SLC41A3: variants seen among roughly 807,000 people sequenced by gnomAD.
SLC41A3 encodes solute carrier family 41 member 3, also known as SLC41A1-like 2.
In SLC41A3, 44 loss-of-function variants were observed where a neutral mutation model predicts 45.4. The ratio of observed to expected loss-of-function variants is 0.97; its 90% CI spans 0.76 to 1.25. The LOEUF (loss-of-function observed/expected upper bound fraction) is 1.25. SLC41A3 is among the 50% of genes most tolerant of loss of function. The pLI is 0.00. For missense variants in SLC41A3, 550 were observed against 600.6 expected (o/e 0.92, Z 0.88); for synonymous variants, 256 against 252.4 (o/e 1.01, Z -0.13).
chr3:126,060,219 G>C (rs971354354), intron 2 of SLC41A3, among the ~76,000 whole-genome samples: 1 of 152,174 alleles, frequency 6.6e-6, no homozygotes, highest in Non-Finnish European at 1.5e-5. Context: ...GGGAGTTCGA[G>C]ACCAGCCTGA....
At chr3:126,034,428 G>A (rs1427180999) in intron 3 of SLC41A3, among the ~76,000 whole-genome samples, 2 of 152,186 alleles carry the variant, frequency 1.3e-5, no homozygotes, top group Non-Finnish European at 2.9e-5. Context: ...TGAACTCCAA[G>A]GAGAAAAATA....
chr3:126,055,096 C>G (rs902174361), intron 2 of SLC41A3, among the ~76,000 whole-genome samples: 1 of 152,104 alleles, frequency 6.6e-6, no homozygotes, highest in African/African-American at 2.4e-5. Context: ...CAACTTGGAC[C>G]CAGGGGCACA....
chr3:126,058,974 C>T (rs1342679858), intron 2 of SLC41A3, among the ~76,000 whole-genome samples: 1 of 151,992 alleles, frequency 6.6e-6, no homozygotes, highest in Non-Finnish European at 1.5e-5. Context: ...GAATTCCCAA[C>T]GTACTCTCTG....
intron 1 of SLC41A3, among the ~76,000 whole-genome samples, chr3:126,075,753 G>A (rs1002332363): frequency 6.6e-6 from 1 of 151,974 alleles, no homozygotes; most frequent in Non-Finnish European, 1.5e-5. Context: ...TTCAATAAAC[G>A]GGGCTGGGAC....
chr3:126,062,069 C>T (rs989920534), intron 2 of SLC41A3, among the ~76,000 whole-genome samples: 3 of 152,192 alleles, frequency 2.0e-5, no homozygotes, highest in Non-Finnish European at 2.9e-5. Flanking sequence ...CAAATTACAA[C>T]AGGACCTTCA....
In SLC41A3 at chr3:126,033,645, G is replaced by C. The variant is rs1476311967; in HGVS notation, c.415C>G (p.Gln139Glu). The C allele has an allele frequency of 6.2e-7, 1 of 1,613,162 alleles. No homozygotes were observed. The highest frequency in any genetic ancestry group is 8.5e-7 in the Non-Finnish European group (1 of 1,179,890). ...AGGTTGCTGCTGATGACTCTGTGCT[G>C]CTCCTGGGGGTCATCAATTTGTCCA... ...NTGQIDDPQE[Q>E]HRVISSNLAL... The change falls in exon 4 of 11, where the codon CAG becomes GAG. Residue 139 changes from glutamine to glutamate, a missense_variant. Gln to Glu is a conservative substitution (Grantham distance 29). Transcript: ENST00000360370.
intron 6 of SLC41A3, among the ~76,000 whole-genome samples, chr3:126,020,277 G>A (rs768281605): frequency 2.6e-5 from 4 of 152,152 alleles, no homozygotes; most frequent in South Asian, 2.1e-4. Context: ...AAACGATTCC[G>A]TCTTTCTAGG....
chr3:126,037,459 A>T (rs1412065701), intron 3 of SLC41A3, among the ~76,000 whole-genome samples: 1 of 152,206 alleles, frequency 6.6e-6, no homozygotes, highest in Non-Finnish European at 1.5e-5. Flanking sequence ...TGACAAAGTT[A>T]TTGGGAACTA....
rs887790464 is a variant in SLC41A3, at chr3:126,026,514, C to T, written c.454-35G>A. The T allele has an allele frequency of 6.3e-7, 1 of 1,589,230 alleles. No individual in the cohort carries two copies. The highest frequency in any genetic ancestry group is 8.6e-7 in the Non-Finnish European group (1 of 1,166,992). ...AGAAATCAGAAGCATGAAGGGGGGCCCCGGGGCCACAGCCACACTCCCTGC... is the reference window on the plus strand; with the variant it reads ...AGAAATCAGAAGCATGAAGGGGGGCTCCGGGGCCACAGCCACACTCCCTGC... On this transcript the variant is annotated intron_variant, in intron 4 of 10. Coordinates refer to ENST00000360370, the MANE Select transcript of SLC41A3 (RefSeq NM_017836.4). This position sits in a 1 kb window ranked among gnomAD's most constrained non-coding sequence, Gnocchi z 4.2.
chr3:126,091,595 C>T (rs1266800356), intron 1 of SLC41A3, among the ~76,000 whole-genome samples: 1 of 151,996 alleles, frequency 6.6e-6, no homozygotes, highest in Non-Finnish European at 1.5e-5. Context: ...GATGAAGCCT[C>T]CAGGTAGCAG....
intron 3 of SLC41A3, among the ~76,000 whole-genome samples, chr3:126,044,923 A>AAAAAAAAAAAAAC: frequency 6.9e-6 from 1 of 145,882 alleles, no homozygotes; most frequent in Non-Finnish European, 1.5e-5. Context: ...AAAAAAAAAA[A>AAAAAAAAAAAAAC]ATCATACAGA....
At chr3:126,012,350 T>C (rs1170976588) in intron 9 of SLC41A3, among the ~76,000 whole-genome samples, 1 of 152,210 alleles carries the variant, frequency 6.6e-6, no homozygotes, top group Non-Finnish European at 1.5e-5. Context: ...CTATACTGTG[T>C]ACTTCAAGGG....
chr3:126,008,964 C>A (rs1939424166), intron 9 of SLC41A3, 84 bp from the exon 10 acceptor site: 4 of 1,539,170 alleles, frequency 2.6e-6, no homozygotes, highest in Non-Finnish European at 3.6e-6. Context: ...GGCATCCACA[C>A]TCACTCATCC....
intron 2 of SLC41A3, among the ~76,000 whole-genome samples, chr3:126,064,788 C>T (rs1466199295): frequency 6.6e-6 from 1 of 152,240 alleles, no homozygotes; most frequent in African/African-American, 2.4e-5. Context: ...TCCCAGTCCA[C>T]CCACAGAGCC....
chr3:126,056,389 A>G (rs1943662544), intron 2 of SLC41A3: 14 of 1,614,172 alleles, frequency 8.7e-6, no homozygotes, highest in East Asian at 2.2e-5. Flanking sequence ...GCCGGCTGTC[A>G]TCATGCACAA....
chr3:126,063,284 T>C (rs1944166104), intron 2 of SLC41A3, among the ~76,000 whole-genome samples: 2 of 152,042 alleles, frequency 1.3e-5, no homozygotes, highest in African/African-American at 4.8e-5. Context: ...CCAGACGCCA[T>C]GGTGCCAGAG....
rs900659993 is a variant in SLC41A3, at chr3:126,026,559, G to A, written c.454-80C>T. 53 of 1,519,500 alleles carry A rather than the reference G, an allele frequency of 3.5e-5. No homozygotes were observed. The highest frequency in any genetic ancestry group is 2.4e-4 in the East Asian group (10 of 41,744). The allele number at this position is 1,519,500 out of a possible 1,614,324, so 94.1% of individuals were successfully genotyped here. A position where few individuals can be genotyped will look rare whatever the true frequency, so the allele number is the denominator to read the frequency against. ...CCCTGCCCTTCACACCTCACTCACC[G>A]CAAGGGGCCGGGTGCCACATGCTAC... On this transcript the variant is annotated intron_variant, in intron 4 of 10. Coordinates refer to ENST00000360370, the MANE Select transcript of SLC41A3 (RefSeq NM_017836.4). This position sits in a 1 kb window ranked among gnomAD's most constrained non-coding sequence, Gnocchi z 4.2.
chr3:126,096,113 T>C (rs2108138933), intron 1 of SLC41A3, among the ~76,000 whole-genome samples: 1 of 152,252 alleles, frequency 6.6e-6, no homozygotes, highest in Non-Finnish European at 1.5e-5. Flanking sequence ...ATTTAAAGCA[T>C]CCCAGGCACA....
At chr3:126,062,748 T>C (rs1203285325) in intron 2 of SLC41A3, among the ~76,000 whole-genome samples, 1 of 152,220 alleles carries the variant, frequency 6.6e-6, no homozygotes, top group East Asian at 1.9e-4. Context: ...TATCTTTTAG[T>C]TCTTTTTGGG....
Sources: allele counts gnomAD v4.1 joint callset (sites outside exome capture counted in the v4.1 genomes callset), GRCh38; gene constraint gnomAD v4.1.1; non-coding constraint Gnocchi (gnomAD v3.1); transcripts MANE v1.5; gene names NCBI Gene and HGNC (gene_info 2026-07-23, HGNC 2026-07-21).